Variants in RNF111 observed in about 807,000 individuals in gnomAD.
RNF111 encodes the protein ring finger protein 111.
Under a neutral mutation model 95.1 loss-of-function variants are expected in RNF111, and 17 were observed. That is an observed-to-expected ratio of 0.18 (90% CI 0.12 to 0.27). RNF111 has a LOEUF of 0.27. Among genes scored for constraint, RNF111 ranks in the 10% least tolerant of loss-of-function variants. RNF111 has a pLI of 1.00. For missense variants in RNF111, 1,189 were observed against 1,210.4 expected, an observed-to-expected ratio of 0.98 and a Z score of 0.26; for synonymous variants, 440 against 414.8, an observed-to-expected ratio of 1.06 and a Z score of -0.74.
At chr15:59,065,947 G>A (rs1432512416) in intron 5 of RNF111, among the ~76,000 whole-genome samples, 8 of 152,002 alleles carry the variant, frequency 5.3e-5, no homozygotes, top group Non-Finnish European at 1.0e-4. Context: ...TATATACAAT[G>A]TATATATTTG....
chr15:59,078,156 T>A lies in RNF111; in HGVS notation c.1948+1941T>A, dbSNP rs112357033. ...TCTGTCCTTACATTCTTTGCACTTG[T>A]AAAATGGGAATAATTCCTATTGGCT... On this transcript the variant is annotated intron_variant, in intron 7 of 13. Coordinates refer to ENST00000348370, the MANE Select transcript of RNF111 (RefSeq NM_017610.8). Among the ~76,000 whole-genome samples, 1,383 of 152,290 alleles carry A rather than the reference T, an allele frequency of 9.1e-3. 13 individuals are homozygous for A. Among genetic ancestry groups the A allele is most frequent in the African/African-American group, 0.03 (1,232 of 41,544 alleles).
chr15:59,075,825 A>G (rs1215163497), intron 6 of RNF111, 129 bp from the exon 7 acceptor site: 1 of 992,726 alleles, frequency 1.0e-6, no homozygotes, highest in Non-Finnish European at 1.4e-6. Flanking sequence ...CTTCATACTA[A>G]GAATCTTCCT....
At chr15:59,039,042 G>A (rs140735665) in intron 2 of RNF111, among the ~76,000 whole-genome samples, 5 of 152,226 alleles carry the variant, frequency 3.3e-5, no homozygotes, top group East Asian at 3.9e-4. Context: ...TCAGCTCACC[G>A]CAACCTCTGC....
chr15:59,070,849 A>G (rs1264727912), intron 6 of RNF111, among the ~76,000 whole-genome samples: 4 of 152,102 alleles, frequency 2.6e-5, no homozygotes. Flanking sequence ...TGACAAATGC[A>G]TTACCCTAGG....
intron 1 of RNF111, among the ~76,000 whole-genome samples, chr15:59,001,233 A>G (rs998882564): frequency 1.3e-5 from 2 of 152,148 alleles, no homozygotes; most frequent in African/African-American, 4.8e-5. Flanking sequence ...GTAGGTGAGG[A>G]GGAGAATGGT....
At chr15:59,035,302 C>T (rs1457129717) in intron 2 of RNF111, among the ~76,000 whole-genome samples, 1 of 152,188 alleles carries the variant, frequency 6.6e-6, no homozygotes, top group Non-Finnish European at 1.5e-5. Flanking sequence ...CCCATGTCCT[C>T]ATATTTCAAA....
chr15:59,062,527 A>C (rs1207152578), intron 5 of RNF111, among the ~76,000 whole-genome samples: 1 of 152,220 alleles, frequency 6.6e-6, no homozygotes, highest in African/African-American at 2.4e-5. Context: ...ATGGCACACT[A>C]TATGTCAGGC....
At chr15:59,077,307 C>T (rs1290659717) in intron 7 of RNF111, among the ~76,000 whole-genome samples, 1 of 152,148 alleles carries the variant, frequency 6.6e-6, no homozygotes, top group East Asian at 1.9e-4. Context: ...TAAGTTCATT[C>T]CTTTCAAAAT....
chr15:59,076,536 A>G (rs1282687745), intron 7 of RNF111, among the ~76,000 whole-genome samples: 4 of 152,186 alleles, frequency 2.6e-5, no homozygotes, highest in Non-Finnish European at 4.4e-5. Flanking sequence ...TTGTAAAAGG[A>G]TTTTTATATT....
At chr15:59,055,605 A>G in intron 3 of RNF111, 77 bp from the exon 4 acceptor site, 2 of 1,130,552 alleles carry the variant, frequency 1.8e-6, no homozygotes, top group Non-Finnish European at 1.2e-6. Context: ...ACATTTAGTA[A>G]GAAAGGCTTA....
At chr15:59,090,991 A>C in intron 11 of RNF111, 68 bp from the exon 12 acceptor site, 1 of 945,312 alleles carries the variant, frequency 1.1e-6, no homozygotes, top group Non-Finnish European at 1.7e-6. Context: ...TTCTTATACA[A>C]TGTTGACAGT....
intron 7 of RNF111, among the ~76,000 whole-genome samples, chr15:59,080,717 A>C (rs2078715330): frequency 6.6e-6 from 1 of 152,122 alleles, no homozygotes; most frequent in Non-Finnish European, 1.5e-5. Context: ...TGAAGCTGTG[A>C]GTGAAGTTAA....
At chr15:59,023,582 C>T (rs144731042) in intron 1 of RNF111, among the ~76,000 whole-genome samples, 82 of 152,120 alleles carry the variant, frequency 5.4e-4, no homozygotes, top group Middle Eastern at 3.4e-3. Flanking sequence ...CTTACTGTTG[C>T]CAGTGGTTTT....
chr15:59,081,415 C>T (rs1318617650), intron 8 of RNF111, 131 bp downstream of exon 8: 1 of 734,654 alleles, frequency 1.4e-6, no homozygotes, highest in Non-Finnish European at 2.2e-6. Flanking sequence ...GAGGCTGAGA[C>T]AGGAGGATTG....
intron 1 of RNF111, among the ~76,000 whole-genome samples, chr15:59,005,365 A>G (rs1421408598): frequency 6.6e-6 from 1 of 152,198 alleles, no homozygotes; most frequent in African/African-American, 2.4e-5. Flanking sequence ...ACATATTTTG[A>G]CTGACCTAAA....
At chr15:59,003,743 G>T (rs1214553703) in intron 1 of RNF111, among the ~76,000 whole-genome samples, 3 of 152,148 alleles carry the variant, frequency 2.0e-5, no homozygotes, top group Non-Finnish European at 2.9e-5. Context: ...AATTATCTTG[G>T]TTTTTTGGTC....
At chr15:59,053,113 G>C (rs1478838524) in intron 3 of RNF111, among the ~76,000 whole-genome samples, 1 of 151,984 alleles carries the variant, frequency 6.6e-6, no homozygotes, top group African/African-American at 2.4e-5. Context: ...TACTGTGTTA[G>C]GGCACCCTAA....
At chr15:59,002,108 T>C (rs1410944756) in intron 1 of RNF111, among the ~76,000 whole-genome samples, 1 of 152,130 alleles carries the variant, frequency 6.6e-6, no homozygotes, top group Admixed American at 6.5e-5. Context: ...TTTCTAGAGT[T>C]TTTTCTTTAA....
At chr15:59,094,757 G>T (rs1390118361) in intron 13 of RNF111, 26 bp from the exon 14 acceptor site, 1 of 1,279,300 alleles carries the variant, frequency 7.8e-7, no homozygotes. Context: ...ATTAATTTTT[G>T]CTTTTTGTTT....
Sources: gnomAD v4.1 joint callset for allele counts (sites outside exome capture counted in the v4.1 genomes callset) on GRCh38, gnomAD v4.1.1 for gene constraint, MANE v1.5 for transcripts, NCBI Gene and HGNC (gene_info 2026-07-23, HGNC 2026-07-21) for gene names.